DHX30: variants seen among roughly 807,000 people sequenced by gnomAD.
DHX30 encodes the protein ATP-dependent RNA helicase DHX30.
Under a neutral mutation model 116.9 loss-of-function variants are expected in DHX30, and 4 were observed. The ratio of observed to expected loss-of-function variants is 0.03; its 90% CI spans 0.02 to 0.08. The LOEUF (loss-of-function observed/expected upper bound fraction) is 0.08, where lower values mean the gene tolerates loss of function less well. DHX30 is among the 10% of genes least tolerant of loss of function. The pLI is 1.00. For synonymous variants in DHX30, 697 were observed against 651.7 expected, an observed-to-expected ratio of 1.07 and a Z score of -1.06; for missense variants, 871 against 1,595.1, an observed-to-expected ratio of 0.55 and a Z score of 7.73.
chr3:47,849,531 G>A lies in DHX30; in HGVS notation c.3168G>A (p.Leu1056=). ...VTYRTKSGNI[L]LHKSTINREA... ...ATAGGACCAAATCAGGCAACATCCT[G>A]CTGCACAAGTCGACCATTAACAGGT... Residue 1056 remains leucine (L), a synonymous_variant, in exon 20 of 22, where the codon CTG becomes CTA. Coordinates refer to ENST00000445061, the MANE Select transcript of DHX30 (RefSeq NM_138615.3). 1 of 1,608,626 alleles carries A rather than the reference G, an allele frequency of 6.2e-7. No homozygotes were observed. The highest frequency in any genetic ancestry group is 2.2e-5 in the East Asian group (1 of 44,660).
At chr3:47,826,761 G>A (rs1420351809) in intron 4 of DHX30, among the ~76,000 whole-genome samples, 3 of 152,180 alleles carry the variant, frequency 2.0e-5, no homozygotes, top group Non-Finnish European at 4.4e-5. Context: ...CAGATGTAGA[G>A]GTCTTTAATC....
chr3:47,821,077 C>T (rs1047759822), intron 4 of DHX30, among the ~76,000 whole-genome samples: 1 of 151,956 alleles, frequency 6.6e-6, no homozygotes, highest in Non-Finnish European at 1.5e-5. Flanking sequence ...CCTCAGCCTC[C>T]CTGGTAACCG....
chr3:47,804,651 C>A (rs1461996620), intron 1 of DHX30, among the ~76,000 whole-genome samples: 4 of 152,204 alleles, frequency 2.6e-5, no homozygotes, highest in Admixed American at 6.5e-5. Context: ...TAATATGTCT[C>A]AAGGAATGAA....
chr3:47,842,962 G>A (rs2037448658), intron 8 of DHX30, 144 bp from the exon 9 acceptor site: 4 of 1,033,516 alleles, frequency 3.9e-6, no homozygotes, highest in Non-Finnish European at 5.7e-6. Context: ...TGGCTATGCA[G>A]CAGCACCTCT....
intron 6 of DHX30, among the ~76,000 whole-genome samples, chr3:47,833,914 T>G (rs2036984991): frequency 6.6e-6 from 1 of 152,120 alleles, no homozygotes; most frequent in African/African-American, 2.4e-5. Context: ...AATACAGTAT[T>G]ATTAATTATA....
intron 4 of DHX30, chr3:47,825,064 G>A (rs1312833569): frequency 3.0e-6 from 2 of 666,368 alleles, no homozygotes; most frequent in South Asian, 1.6e-5. Flanking sequence ...GAGACTCATG[G>A]CGCTGGCCGC....
rs1163385506 is a variant in DHX30, at chr3:47,847,849, A to G, written c.2179A>G (p.Ile727Val). The G allele has an allele frequency of 6.2e-7, 1 of 1,614,108 alleles. No homozygotes were observed. The highest frequency in any genetic ancestry group is 1.3e-5 in the African/African-American group (1 of 75,016). Residue 727 changes from isoleucine to valine, a missense_variant, in exon 14 of 22, where the codon ATT becomes GTT. By Grantham distance (29) the Ile-to-Val change is conservative. Around this residue, in one of 13 missense-constraint regions of DHX30, gnomAD observed 49 missense variants for 60.9 expected, o/e 0.80. Transcript: ENST00000445061. The surrounding 1 kb of genome is among the most constrained non-coding windows in gnomAD (Gnocchi z 5.5). ...FQQPPVGVRK[I>V]VLATNIAETS... ...GCAGCCTCCAGTTGGGGTGCGCAAG[A>G]TTGTCTTGGCCACCAACATTGCTGA... is the stretch of plus-strand genomic sequence containing the variant.
intron 3 of DHX30, among the ~76,000 whole-genome samples, chr3:47,814,429 C>CAAAAA (rs71625837): frequency 3.0e-3 from 280 of 92,410 alleles, no homozygotes; most frequent in Middle Eastern, 0.01. Context: ...TGTCTCAAAA[C>CAAAAA]AAAAAAAAAA....
intron 3 of DHX30, chr3:47,816,310 G>A: frequency 1.0e-6 from 1 of 984,354 alleles, no homozygotes; most frequent in Non-Finnish European, 1.2e-6. Flanking sequence ...ACCTAGACAG[G>A]CAGCTCAGGG....
intron 6 of DHX30, among the ~76,000 whole-genome samples, chr3:47,837,963 T>G (rs2037200220): frequency 6.6e-6 from 1 of 151,980 alleles, no homozygotes. Flanking sequence ...TGTGGGAGCA[T>G]GGCCAGGACC....
chr3:47,839,681 G>A (rs1196450637), intron 6 of DHX30, among the ~76,000 whole-genome samples: 1 of 145,866 alleles, frequency 6.9e-6, no homozygotes, highest in African/African-American at 2.7e-5. Context: ...TTTTTTGTTT[G>A]TTTGTTTGTT....
At chr3:47,814,787 T>C (rs1033560261) in intron 3 of DHX30, among the ~76,000 whole-genome samples, 2 of 152,182 alleles carry the variant, frequency 1.3e-5, no homozygotes, top group African/African-American at 4.8e-5. Flanking sequence ...CCTAAAGTGT[T>C]GGGATTACAG....
At chr3:47,816,920 A>T (rs996875144) in intron 3 of DHX30, 119 of 982,296 alleles carry the variant, frequency 1.2e-4, no homozygotes, top group Non-Finnish European at 1.3e-4. Flanking sequence ...ATTTTAATAA[A>T]AAAAAAAATA....
chr3:47,833,966 A>T (rs969161167), intron 6 of DHX30, among the ~76,000 whole-genome samples: 1 of 152,144 alleles, frequency 6.6e-6, no homozygotes, highest in Non-Finnish European at 1.5e-5. Flanking sequence ...TACTCTTCTT[A>T]TATATATGTA....
chr3:47,829,684 T>C (rs1268795865), intron 6 of DHX30, among the ~76,000 whole-genome samples: 1 of 152,082 alleles, frequency 6.6e-6, no homozygotes, highest in African/African-American at 2.4e-5. Flanking sequence ...TCTGTGGTTT[T>C]AAAAACTACA....
chr3:47,811,341 C>T (rs1010474360), intron 3 of DHX30, among the ~76,000 whole-genome samples: 11 of 152,114 alleles, frequency 7.2e-5, no homozygotes, highest in Admixed American at 6.6e-4. Flanking sequence ...CAATCTTTCT[C>T]CAATCTTCCT....
In DHX30 at chr3:47,846,266, A is replaced by G. The variant is rs1193223351; in HGVS notation, c.1194A>G (p.Thr398=). 6.2e-7 allele frequency: 1 copy of G among 1,614,118 alleles called. No individual in the cohort carries two copies. The highest frequency in any genetic ancestry group is 2.2e-5 in the East Asian group (1 of 44,898). ...CAGGGCCTCTGAGTGACCCTATCAC[A>G]GGCAAGCCCTATGTGCCCCTGTTGG... is the stretch of plus-strand genomic sequence containing the variant. ...KDSGPLSDPI[T]GKPYVPLLEA... is the part of the protein sequence containing the mutation. Residue 398 remains threonine (T), a synonymous_variant, in exon 11 of 22, where the codon ACA becomes ACG. Coordinates refer to ENST00000445061, the MANE Select transcript of DHX30 (RefSeq NM_138615.3).
intron 3 of DHX30, chr3:47,816,289 T>A (rs1439046972): frequency 7.1e-6 from 7 of 984,862 alleles, no homozygotes; most frequent in Admixed American, 6.2e-5. Context: ...CTTGGGAAGA[T>A]GCTTTGGACT....
chr3:47,827,301 T>G, intron 4 of DHX30, 46 bp from the exon 5 acceptor site: 1 of 1,565,222 alleles, frequency 6.4e-7, no homozygotes, highest in Non-Finnish European at 8.6e-7. Context: ...ATGGAGTTTT[T>G]AAAAGAAAAA....
Sources: allele counts gnomAD v4.1 joint callset (sites outside exome capture counted in the v4.1 genomes callset), GRCh38; gene constraint gnomAD v4.1.1; regional missense constraint gnomAD v4.1.1; non-coding constraint Gnocchi (gnomAD v3.1); transcripts MANE v1.5; gene names NCBI Gene and HGNC (gene_info 2026-07-23, HGNC 2026-07-21).